The following MPPED2 variants were observed in gnomAD, a reference collection of about 807,000 sequenced individuals.
MPPED2 encodes the protein metallophosphoesterase MPPED2.
In MPPED2, 5 loss-of-function variants were observed where a neutral mutation model predicts 33.0. The observed-to-expected ratio is 0.15, with a 90% CI of 0.08 to 0.32. MPPED2 has a LOEUF of 0.32. Among genes scored for constraint, MPPED2 ranks in the 10% least tolerant of loss-of-function variants. The pLI is 1.00. For missense variants in MPPED2, 275 were observed against 372.1 expected, an observed-to-expected ratio of 0.74 and a Z score of 2.15; for synonymous variants, 136 against 141.9, an observed-to-expected ratio of 0.96 and a Z score of 0.29.
rs758548367 is a variant in MPPED2, at chr11:30,580,255, T to C, written c.119A>G (p.His40Arg). 6.2e-7 allele frequency: 1 copy of C among 1,614,050 alleles called. No individual in the cohort carries two copies. The highest frequency in any genetic ancestry group is 8.5e-7 in the Non-Finnish European group (1 of 1,179,940). The change falls in exon 2 of 7, where the codon CAT becomes CGT. Residue 40 changes from histidine (H) to arginine (R), a missense_variant. His to Arg is a conservative substitution (Grantham distance 29). Transcript: ENST00000358117. Reference protein sequence around the residue: ...NINQSRFQPPHVHMVDPIPYD... With the variant: ...NINQSRFQPPRVHMVDPIPYD... ...CATAAGCGATACTTACATATGTACA[T>C]GTGGAGGCTGGAATCTGCTCTGGTT...
intron 4 of MPPED2, among the ~76,000 whole-genome samples, chr11:30,418,531 T>C (rs1948473816): frequency 6.6e-6 from 1 of 152,204 alleles, no homozygotes. Context: ...TAGTTCCCAG[T>C]GTTATCCTAT....
intron 6 of MPPED2, among the ~76,000 whole-genome samples, chr11:30,395,995 C>T (rs537062088): frequency 6.6e-6 from 1 of 152,242 alleles, no homozygotes; most frequent in African/African-American, 2.4e-5. Flanking sequence ...AATTTCCATT[C>T]CCTAACGGGC....
At chr11:30,565,978 C>CA (rs1956424358) in intron 2 of MPPED2, among the ~76,000 whole-genome samples, 1 of 151,450 alleles carries the variant, frequency 6.6e-6, no homozygotes. Context: ...AGATTTTTGT[C>CA]AAAAAAGTTG....
chr11:30,418,623 A>C (rs966570682), intron 4 of MPPED2, among the ~76,000 whole-genome samples: 11 of 152,224 alleles, frequency 7.2e-5, no homozygotes, highest in African/African-American at 2.7e-4. Flanking sequence ...GCTAAGGCAT[A>C]CATGTAACAG....
At chr11:30,536,592 A>T (rs1421082776) in intron 2 of MPPED2, among the ~76,000 whole-genome samples, 2 of 152,176 alleles carry the variant, frequency 1.3e-5, no homozygotes, top group Non-Finnish European at 2.9e-5. Context: ...CTTCTTAAAC[A>T]TGCATAACTT....
chr11:30,414,313 A>G lies in MPPED2; in HGVS notation c.681T>C (p.Leu227=), dbSNP rs1265818266. ...ACAGCTCCACACAGCCCACTCTTTGAAGCTCCTTTGGAACCCAGTCTCGAA... is the reference window on the plus strand; with the variant it reads ...ACAGCTCCACACAGCCCACTCTTTGGAGCTCCTTTGGAACCCAGTCTCGAA... ...LGFRDWVPKE[L]QRVGCVELLN... is the part of the protein sequence containing the mutation. The change falls in exon 6 of 7, where the codon CTT becomes CTC. Residue 227 remains leucine (L), a synonymous_variant. Coordinates refer to ENST00000358117, the MANE Select transcript of MPPED2 (RefSeq NM_001584.3). The G allele has an allele frequency of 1.2e-6, 2 of 1,613,852 alleles. No individual in the cohort carries two copies. The highest frequency in any genetic ancestry group is 2.7e-5 in the African/African-American group (2 of 74,912).
At chr11:30,388,706 T>C (rs1311624934) in exon 7 of MPPED2, 6 of 692,276 alleles carry the variant, frequency 8.7e-6, no homozygotes, top group Non-Finnish European at 1.3e-5. Context: ...GTCTTTCCTG[T>C]TGTCCACCAG....
intron 4 of MPPED2, among the ~76,000 whole-genome samples, chr11:30,466,500 T>C (rs78589558): frequency 0.015 from 2,306 of 152,154 alleles, 62 homozygotes; most frequent in African/African-American, 0.053. Flanking sequence ...GCTGGATCCA[T>C]TGAGGAAAGG....
intron 3 of MPPED2, among the ~76,000 whole-genome samples, chr11:30,516,093 C>T (rs1953517851): frequency 6.6e-6 from 1 of 152,140 alleles, no homozygotes; most frequent in South Asian, 2.1e-4. Context: ...TAACATCTTT[C>T]CCACTGAGTT....
intron 3 of MPPED2, among the ~76,000 whole-genome samples, chr11:30,525,166 C>G (rs948838874): frequency 7.2e-5 from 11 of 152,152 alleles, no homozygotes; most frequent in African/African-American, 2.7e-4. Flanking sequence ...AAAATAATGA[C>G]AATCAGAGAC....
chr11:30,473,247 G>A (rs751348061), intron 4 of MPPED2, among the ~76,000 whole-genome samples: 1 of 151,976 alleles, frequency 6.6e-6, no homozygotes, highest in East Asian at 1.9e-4. Flanking sequence ...CTCTCGTCAC[G>A]CATTTATTTT....
At chr11:30,483,205 G>A (rs575318195) in intron 4 of MPPED2, among the ~76,000 whole-genome samples, 85 of 152,228 alleles carry the variant, frequency 5.6e-4, no homozygotes, top group Non-Finnish European at 1.0e-3. Context: ...CTGCCCAACA[G>A]GTAAGTACTT....
chr11:30,454,832 C>T (rs535912007), intron 4 of MPPED2, among the ~76,000 whole-genome samples: 1 of 152,174 alleles, frequency 6.6e-6, no homozygotes, highest in Non-Finnish European at 1.5e-5. Context: ...ATCAGAGAGC[C>T]TATAAGCTCT....
At position 30,420,513 on chromosome 11, in the gene MPPED2, A is replaced by T. The variant is rs539967532; in HGVS notation, c.537-2880T>A. On this transcript the variant is annotated intron_variant, in intron 4 of 6. Coordinates refer to ENST00000358117, the MANE Select transcript of MPPED2 (RefSeq NM_001584.3). ...GTGACTTGATAGAGCAGAAATAGAA[A>T]ATTGGTACAGTACCTACAACGTCTG... 2.9e-3 allele frequency among the ~76,000 whole-genome samples: 444 copies of T among 152,316 alleles called. 2 individuals carry two copies. The highest frequency in any genetic ancestry group is 4.7e-3 in the Non-Finnish European group (317 of 68,030).
Position 30,476,718 on chromosome 11 carries a change from G to A in MPPED2, c.536+18578C>T, listed in dbSNP as rs144047565. On this transcript the variant is annotated intron_variant, in intron 4 of 6. Transcript: ENST00000358117. ...TTTTTTATACTCACTTTGACTATTCGAAATCTTTTTTTATTTTCAAAAAAT... is the reference window on the plus strand; with the variant it reads ...TTTTTTATACTCACTTTGACTATTCAAAATCTTTTTTTATTTTCAAAAAAT... 9.4e-3 allele frequency among the ~76,000 whole-genome samples: 1,435 copies of A among 151,872 alleles called. 10 individuals are homozygous for A. Among genetic ancestry groups the A allele is most frequent in the Middle Eastern group, 0.031 (9 of 294 alleles).
chr11:30,520,710 T>C (rs530658996), intron 3 of MPPED2, among the ~76,000 whole-genome samples: 1 of 152,352 alleles, frequency 6.6e-6, no homozygotes, highest in African/African-American at 2.4e-5. Flanking sequence ...TTAAAATAAT[T>C]ATCAATTTCC....
intron 3 of MPPED2, among the ~76,000 whole-genome samples, chr11:30,500,686 T>C: frequency 6.6e-6 from 1 of 152,224 alleles, no homozygotes. Flanking sequence ...TTCACTATTA[T>C]TACTCCATTT....
At position 30,414,354 on chromosome 11, in the gene MPPED2, T is replaced by G; in HGVS notation, c.653-13A>C. 6.6e-7 allele frequency: 1 copy of G among 1,521,204 alleles called. No individual in the cohort carries two copies. Among genetic ancestry groups the G allele is most frequent in the Non-Finnish European group, 9.1e-7 (1 of 1,095,206 alleles). The allele number at this position is 1,521,204 out of a possible 1,614,324, so 94.2% of individuals were successfully genotyped here. On this transcript the variant is annotated splice_polypyrimidine_tract_variant and intron_variant, in intron 5 of 6. Coordinates refer to ENST00000358117, the MANE Select transcript of MPPED2 (RefSeq NM_001584.3). Reference sequence around the variant, plus strand: ...CAGTCTCGAAAACCTAAGGGCAAAATGCAATCAATACACTTAATTTTCTTT... The same window carrying G: ...CAGTCTCGAAAACCTAAGGGCAAAAGGCAATCAATACACTTAATTTTCTTT...
At chr11:30,396,347 G>T (rs1947839943) in intron 6 of MPPED2, among the ~76,000 whole-genome samples, 1 of 152,136 alleles carries the variant, frequency 6.6e-6, no homozygotes, top group Non-Finnish European at 1.5e-5. Context: ...GCCTTTAGCA[G>T]CTGCCTGTAT....
Sources: gnomAD v4.1 joint callset for allele counts (sites outside exome capture counted in the v4.1 genomes callset) on GRCh38, gnomAD v4.1.1 for gene constraint, MANE v1.5 for transcripts, NCBI Gene and HGNC (gene_info 2026-07-23, HGNC 2026-07-21) for gene names.